PRKD1: variants seen among roughly 807,000 people sequenced by gnomAD.
PRKD1 encodes the protein serine/threonine-protein kinase D1.
A neutral mutation model predicts 95.9 loss-of-function variants in PRKD1; 63 were observed. The ratio of observed to expected loss-of-function variants is 0.66; its 90% CI spans 0.54 to 0.81. The LOEUF (loss-of-function observed/expected upper bound fraction) is 0.81. PRKD1 is among the 30% of genes least tolerant of loss of function. PRKD1 has a pLI of 0.00. For synonymous variants in PRKD1, 425 were observed against 423.1 expected (o/e 1.00, Z -0.05); for missense variants, 1,048 against 1,165.3 (o/e 0.90, Z 1.47).
chr14:29,854,136 G>A (rs1434837250), intron 1 of PRKD1, among the ~76,000 whole-genome samples: 1 of 152,148 alleles, frequency 6.6e-6, no homozygotes, highest in East Asian at 1.9e-4. Flanking sequence ...TTGGAGTGGG[G>A]TGCTGCTGAA....
intron 16 of PRKD1, chr14:29,591,294 T>C (rs1893119052): frequency 6.6e-6 from 1 of 152,146 alleles, no homozygotes; most frequent in Admixed American, 6.6e-5. Context: ...GTATATCTGA[T>C]AAAGAAGATG....
chr14:29,758,522 C>T (rs1187929066), intron 1 of PRKD1, among the ~76,000 whole-genome samples: 7 of 152,176 alleles, frequency 4.6e-5, no homozygotes, highest in Non-Finnish European at 7.4e-5. Context: ...TTTCACTCCT[C>T]TTTTCACAGA....
chr14:29,714,612 A>G (rs1290537680), intron 2 of PRKD1, among the ~76,000 whole-genome samples: 1 of 152,330 alleles, frequency 6.6e-6, no homozygotes, highest in East Asian at 1.9e-4. Flanking sequence ...TACTGGGTAT[A>G]TACCTAAAGG....
intron 1 of PRKD1, among the ~76,000 whole-genome samples, chr14:29,912,306 CA>C (rs144375276): frequency 6.7e-6 from 1 of 148,634 alleles, no homozygotes; most frequent in Non-Finnish European, 1.5e-5. Context: ...TTGTAATTTT[CA>C]AAAAAAAACA....
chr14:29,785,247 C>T (rs1889215978), intron 1 of PRKD1, among the ~76,000 whole-genome samples: 1 of 152,170 alleles, frequency 6.6e-6, no homozygotes, highest in Non-Finnish European at 1.5e-5. Context: ...CTCTTTTCTA[C>T]TACTTAGCCT....
intron 1 of PRKD1, among the ~76,000 whole-genome samples, chr14:29,778,168 C>A (rs538713045): frequency 6.6e-6 from 1 of 152,276 alleles, no homozygotes; most frequent in East Asian, 1.9e-4. Flanking sequence ...GCACTAAATG[C>A]CCACAACAGA....
At chr14:29,593,636 A>C (rs1189922294) in intron 16 of PRKD1, among the ~76,000 whole-genome samples, 1 of 152,216 alleles carries the variant, frequency 6.6e-6, no homozygotes, top group Non-Finnish European at 1.5e-5. Flanking sequence ...TCATTGCTTT[A>C]AGAAGTCATC....
At chr14:29,666,459 A>C (rs1882515787) in intron 2 of PRKD1, among the ~76,000 whole-genome samples, 1 of 151,958 alleles carries the variant, frequency 6.6e-6, no homozygotes, top group South Asian at 2.1e-4. Flanking sequence ...CTTTAAAAAC[A>C]GCCAAAAAAA....
At chr14:29,910,290 A>C (rs12147065) in intron 1 of PRKD1, among the ~76,000 whole-genome samples, 417 of 152,244 alleles carry the variant, frequency 2.7e-3, no homozygotes, top group Non-Finnish European at 3.7e-3. Context: ...ACTCACCGCG[A>C]AGGTCTGCAG....
intron 4 of PRKD1, among the ~76,000 whole-genome samples, chr14:29,644,571 T>A (rs1881003079): frequency 6.6e-6 from 1 of 151,614 alleles, no homozygotes; most frequent in Admixed American, 6.6e-5. Context: ...AATAACTTGA[T>A]CTAGATGTCA....
At chr14:29,577,843 C>A (rs917773291) in intron 17 of PRKD1, among the ~76,000 whole-genome samples, 3 of 152,084 alleles carry the variant, frequency 2.0e-5, no homozygotes, top group African/African-American at 7.2e-5. Context: ...ATTTGCCATG[C>A]ATTTGTTCCA....
rs1322511972 is a variant in PRKD1 at position 29,576,596 on chromosome 14, TATG to T, written c.*639_*641del. On this transcript the variant is annotated 3_prime_UTR_variant, in exon 18 of 18. Coordinates refer to ENST00000331968, the MANE Select transcript of PRKD1 (RefSeq NM_002742.3). ...GAAAGAGGGAAATGTATCTGTTATATATGGCAGTTTACATTTCTAAGGCATTTA... is the reference window on the plus strand; with the variant it reads ...GAAAGAGGGAAATGTATCTGTTATATGCAGTTTACATTTCTAAGGCATTTA... The T allele has an allele frequency of 6.4e-6, 1 of 155,500 alleles. No homozygotes were observed. The highest frequency in any genetic ancestry group is 2.4e-5 in the African/African-American group (1 of 41,480). 9.6% of individuals were successfully genotyped at this position (155,500 alleles called of 1,614,324 possible). A position where few individuals can be genotyped will look rare whatever the true frequency, so the allele number is the denominator to read the frequency against.
At chr14:29,678,312 G>C (rs181515149) in intron 2 of PRKD1, among the ~76,000 whole-genome samples, 52 of 152,180 alleles carry the variant, frequency 3.4e-4, no homozygotes, top group African/African-American at 1.1e-3. Context: ...CTTGGTAAAA[G>C]GCTCATTATC....
At chr14:29,780,600 C>A (rs938256157) in intron 1 of PRKD1, among the ~76,000 whole-genome samples, 5 of 152,218 alleles carry the variant, frequency 3.3e-5, no homozygotes, top group Non-Finnish European at 7.3e-5. Flanking sequence ...TACCAGCTCA[C>A]ACCAGTTAGA....
intron 1 of PRKD1, among the ~76,000 whole-genome samples, chr14:29,831,723 G>T (rs1891421731): frequency 6.6e-6 from 1 of 151,762 alleles, no homozygotes; most frequent in Non-Finnish European, 1.5e-5. Flanking sequence ...ACTCTCTTTT[G>T]TTCTCCTGTT....
chr14:29,844,578 C>T (rs190672983), intron 1 of PRKD1, among the ~76,000 whole-genome samples: 16 of 152,178 alleles, frequency 1.1e-4, no homozygotes, highest in Admixed American at 9.8e-4. Context: ...ACTGTTTAGC[C>T]TCACTCTATG....
intron 1 of PRKD1, among the ~76,000 whole-genome samples, chr14:29,912,169 C>T (rs1453023946): frequency 2.0e-5 from 3 of 152,174 alleles, no homozygotes; most frequent in Non-Finnish European, 4.4e-5. Flanking sequence ...TATCATCTCC[C>T]TGTTTCAAAA....
intron 2 of PRKD1, among the ~76,000 whole-genome samples, chr14:29,669,033 A>G (rs1334066933): frequency 2.0e-5 from 3 of 152,362 alleles, no homozygotes; most frequent in South Asian, 4.1e-4. Context: ...ACTATGGATT[A>G]TAAGCTGCAC....
rs375082811 is a variant in PRKD1 at position 29,775,574 on chromosome 14, G to A, written c.265-49900C>T. Among the ~76,000 whole-genome samples, 34 of 152,250 alleles carry A rather than the reference G, an allele frequency of 2.2e-4. No individual in the cohort carries two copies. The East Asian group carries it at 6.6e-3, about 30-fold the overall frequency. On this transcript the variant is annotated intron_variant, in intron 1 of 17. Coordinates refer to ENST00000331968, the MANE Select transcript of PRKD1 (RefSeq NM_002742.3). ...TAGCACAGCAGTCTGAGATCAAACT[G>A]CAAGGCTGCAGCAAGTCTTGGGGAG...
Sources: gnomAD v4.1 joint callset for allele counts (sites outside exome capture counted in the v4.1 genomes callset) on GRCh38, gnomAD v4.1.1 for gene constraint, MANE v1.5 for transcripts, NCBI Gene and HGNC (gene_info 2026-07-23, HGNC 2026-07-21) for gene names.